The following RNF149 variants were observed in gnomAD, a reference collection of about 807,000 sequenced individuals.
The protein encoded by RNF149 is E3 ubiquitin-protein ligase RNF149.
RNF149 carries 21 observed loss-of-function variants against 39.0 expected under a neutral mutation model. That is an observed-to-expected ratio of 0.54 (90% CI 0.38 to 0.77). The LOEUF (loss-of-function observed/expected upper bound fraction) is 0.77, where lower values mean the gene tolerates loss of function less well. Among genes scored for constraint, RNF149 ranks in the 30% least tolerant of loss-of-function variants. The pLI, the probability that RNF149 is intolerant of heterozygous loss-of-function variation, is 0.00. For missense variants in RNF149, 493 were observed against 534.9 expected (o/e 0.92, Z 0.77); for synonymous variants, 209 against 213.6 (o/e 0.98, Z 0.19).
chr2:101,286,420 T>C (rs929735837), intron 4 of RNF149: 18 of 318,544 alleles, frequency 5.7e-5, no homozygotes, highest in Admixed American at 1.5e-4. Context: ...TCACGCTAGG[T>C]TGTACATTTT....
chr2:101,292,257 T>C (rs1683041091), intron 3 of RNF149, among the ~76,000 whole-genome samples: 1 of 152,232 alleles, frequency 6.6e-6, no homozygotes, highest in Admixed American at 6.5e-5. Context: ...ATGGGTCATT[T>C]AGAAATCTTC....
At chr2:101,287,323 CA>C (rs1682833757) in intron 4 of RNF149, among the ~76,000 whole-genome samples, 1 of 150,662 alleles carries the variant, frequency 6.6e-6, no homozygotes, top group Non-Finnish European at 1.5e-5. Context: ...AACTCTGTCT[CA>C]AAAAAATAAA....
intron 4 of RNF149, among the ~76,000 whole-genome samples, chr2:101,288,458 G>A (rs1682879801): frequency 1.3e-5 from 2 of 151,754 alleles, no homozygotes; most frequent in Admixed American, 6.6e-5. Flanking sequence ...GGCTAGTCTT[G>A]AACACCTGCA....
intron 1 of RNF149, 169 bp downstream of exon 1, chr2:101,307,960 C>T (rs569201865): frequency 2.0e-6 from 2 of 985,454 alleles, no homozygotes; most frequent in East Asian, 1.1e-4. Flanking sequence ...CAACAGCGAT[C>T]GGGGAGCCGC....
At chr2:101,274,624 C>T (rs1450111388), downstream of RNF149, among the ~76,000 whole-genome samples, 1 of 152,182 alleles carries the variant, frequency 6.6e-6, no homozygotes, top group Non-Finnish European at 1.5e-5. Context: ...GGCTCGCCAT[C>T]GACAGCAATG....
At chr2:101,283,781 AAT>A (rs940968685) in intron 5 of RNF149, among the ~76,000 whole-genome samples, 9 of 152,064 alleles carry the variant, frequency 5.9e-5, no homozygotes, top group Non-Finnish European at 1.3e-4. Flanking sequence ...TAATATATGA[AAT>A]ATATATATAG....
At chr2:101,306,573 C>T (rs1325680091) in intron 1 of RNF149, among the ~76,000 whole-genome samples, 6 of 152,168 alleles carry the variant, frequency 3.9e-5, no homozygotes, top group Non-Finnish European at 8.8e-5. Flanking sequence ...GTGACCAAGC[C>T]TCCAGTGTTC....
intron 6 of RNF149, among the ~76,000 whole-genome samples, chr2:101,277,631 CA>C (rs1194747428): frequency 6.6e-6 from 1 of 152,150 alleles, no homozygotes; most frequent in Non-Finnish European, 1.5e-5. Context: ...TCAGGTGATC[CA>C]CCCACCTCAG....
chr2:101,283,565 G>C (rs1314467007), intron 5 of RNF149, among the ~76,000 whole-genome samples: 2 of 152,120 alleles, frequency 1.3e-5, no homozygotes, highest in Non-Finnish European at 2.9e-5. Context: ...CTGCAGGAGG[G>C]GGTCAACAGG....
In RNF149 at chr2:101,308,161, T is replaced by G. The variant is rs757551305; in HGVS notation, c.428A>C (p.Tyr143Ser). 1 of 1,610,258 alleles carries G rather than the reference T, an allele frequency of 6.2e-7. No homozygotes were observed. Among genetic ancestry groups the G allele is most frequent in the Non-Finnish European group, 8.5e-7 (1 of 1,179,248 alleles). ...SAVVLYNEER[Y>S]GNITLPMSHA... ...AGACATGGGCAAGGTGATGTTCCCG[T>G]AGCGCTCCTCATTGTAGAGGACGAC... The change falls in exon 1 of 7, where the codon TAC (tyrosine) becomes TCC (serine). Residue 143 changes from tyrosine (Y) to serine (S), a missense_variant. Physicochemically the swap from Tyr to Ser is moderately radical, Grantham distance 144. Transcript: ENST00000295317.
chr2:101,275,967 A>G lies in RNF149; in HGVS notation c.*1271T>C, dbSNP rs549709112. 8 of 972,488 alleles carry G rather than the reference A, an allele frequency of 8.2e-6. No homozygotes were observed. The highest frequency in any genetic ancestry group is 9.8e-6 in the Non-Finnish European group (8 of 818,180). The allele number at this position is 972,488 out of a possible 1,614,324, so 60.2% of individuals were successfully genotyped here. A position where few individuals can be genotyped will look rare whatever the true frequency, so the allele number is the denominator to read the frequency against. ...TCTGTCTGTAGAGTTTATTTCAGTA[A>G]AACTGTTTACTATTTCATGATGAGT... On this transcript the variant is annotated 3_prime_UTR_variant, in exon 7 of 7. Coordinates refer to ENST00000295317, the MANE Select transcript of RNF149 (RefSeq NM_173647.4).
At chr2:101,287,059 C>T (rs921437297) in intron 4 of RNF149, among the ~76,000 whole-genome samples, 13 of 152,214 alleles carry the variant, frequency 8.5e-5, no homozygotes, top group East Asian at 3.9e-4. Flanking sequence ...TGGTGGCTCA[C>T]GCCTGTAATC....
downstream of RNF149, chr2:101,272,877 A>G: frequency 8.7e-7 from 1 of 1,147,908 alleles, no homozygotes; most frequent in South Asian, 1.2e-5. Flanking sequence ...TTTAAATTTC[A>G]GTTCTCTTTG....
At chr2:101,275,112 T>G (rs1285787497), downstream of RNF149, among the ~76,000 whole-genome samples, 17 of 9,602 alleles carry the variant, frequency 1.8e-3, 1 homozygote, top group African/African-American at 5.0e-3. Context: ...AGTATTTCTG[T>G]TTTTTTTTTT....
At chr2:101,296,048 G>T (rs895706005) in intron 1 of RNF149, among the ~76,000 whole-genome samples, 30 of 152,116 alleles carry the variant, frequency 2.0e-4, no homozygotes, top group African/African-American at 7.0e-4. Flanking sequence ...AGCCCAGATG[G>T]TCAAGGCTGC....
At chr2:101,277,430 C>T (rs1300197453) in intron 6 of RNF149, 149 bp from the exon 7 acceptor site, 5 of 1,155,572 alleles carry the variant, frequency 4.3e-6, no homozygotes, top group Non-Finnish European at 3.5e-6. Flanking sequence ...GTTCTTGTTG[C>T]CCAGGCTGGA....
intron 5 of RNF149, among the ~76,000 whole-genome samples, chr2:101,283,902 G>C (rs934784291): frequency 1.3e-5 from 2 of 152,140 alleles, no homozygotes; most frequent in Non-Finnish European, 2.9e-5. Flanking sequence ...AAACTACTGA[G>C]TAATGAAGAA....
chr2:101,308,186 C>A lies in RNF149; in HGVS notation c.403G>T (p.Val135Phe). 6.2e-7 allele frequency: 1 copy of A among 1,610,536 alleles called. No homozygotes were observed. The highest frequency in any genetic ancestry group is 8.5e-7 in the Non-Finnish European group (1 of 1,179,368). ...LVAARRNASA[V>F]VLYNEERYGN... ...TAGCGCTCCTCATTGTAGAGGACGA[C>A]GGCCGAGGCGTTCCTCCGCGCCGCC... The change falls in exon 1 of 7, where the codon GTC (valine) becomes TTC (phenylalanine). Residue 135 changes from valine (V) to phenylalanine (F), a missense_variant. By Grantham distance (50) the Val-to-Phe change is conservative. Coordinates refer to ENST00000295317, the MANE Select transcript of RNF149 (RefSeq NM_173647.4).
chr2:101,292,525 G>A (rs528578695), intron 3 of RNF149, among the ~76,000 whole-genome samples: 1 of 152,266 alleles, frequency 6.6e-6, no homozygotes, highest in East Asian at 1.9e-4. Context: ...CCAGAACTTT[G>A]GGAGGCCGAG....
Sources: allele counts gnomAD v4.1 joint callset (sites outside exome capture counted in the v4.1 genomes callset), GRCh38; gene constraint gnomAD v4.1.1; transcripts MANE v1.5; gene names NCBI Gene and HGNC (gene_info 2026-07-23, HGNC 2026-07-21).